Variants in SP1 observed in about 807,000 individuals in gnomAD.
The protein encoded by SP1 is transcription factor Sp1.
A neutral mutation model predicts 66.3 loss-of-function variants in SP1; 6 were observed. The observed-to-expected ratio is 0.09, with a 90% confidence interval of 0.05 to 0.18. SP1 has a LOEUF of 0.18. SP1 is among the 10% of genes least tolerant of loss of function. The pLI is 1.00. For missense variants in SP1, 848 were observed against 964.5 expected (o/e 0.88, Z 1.60); for synonymous variants, 417 against 360.8 (o/e 1.16, Z -1.77).
Position 53,412,321 on chromosome 12 carries a change from T to C in SP1, c.*1081T>C, listed in dbSNP as rs1938908794. ...TAGGGGGCTTTCACTAGGAAAATCA[T>C]GTGCTCAGAAGAGGAAATGACTCGT... On this transcript the variant is annotated 3_prime_UTR_variant, in exon 6 of 6. Transcript: ENST00000327443. The C allele has an allele frequency of 6.6e-6, 1 of 152,646 alleles. No individual in the cohort carries two copies. The allele number at this position is 152,646 out of a possible 1,614,324, so 9.5% of individuals were successfully genotyped here.
At chr12:53,383,990 G>A (rs898548520) in intron 3 of SP1, among the ~76,000 whole-genome samples, 2 of 145,300 alleles carry the variant, frequency 1.4e-5, no homozygotes, top group Admixed American at 7.0e-5. Flanking sequence ...TTTTTTTTGA[G>A]ACAGAGTCTT....
rs139153448 is a variant in SP1 at position 53,393,876 on chromosome 12, T to C, written c.1675+10254T>C. 2.1e-3 allele frequency among the ~76,000 whole-genome samples: 313 copies of C among 151,230 alleles called. 1 individual carries two copies. The highest frequency in any genetic ancestry group is 7.4e-3 in the African/African-American group (305 of 41,310). ...GTCTCCCAAAGTGCTGGGATTACAC[T>C]TGCAGGTGTGAGCCACTGTGCCCAG... On this transcript the variant is annotated intron_variant, in intron 3 of 5. Transcript: ENST00000327443.
chr12:53,412,881 GTA>G lies in SP1; in HGVS notation c.*1643_*1644del, dbSNP rs1245391274. The G allele has an allele frequency of 6.6e-6, 1 of 152,144 alleles. No individual in the cohort carries two copies. The highest frequency in any genetic ancestry group is 1.5e-5 in the Non-Finnish European group (1 of 67,980). 9.4% of individuals were successfully genotyped at this position (152,144 alleles called of 1,614,324 possible). On this transcript the variant is annotated 3_prime_UTR_variant, in exon 6 of 6. Coordinates refer to ENST00000327443, the MANE Select transcript of SP1 (RefSeq NM_138473.3). ...AAGCATTGTCTCTCTCGACCTTCTG[GTA>G]TCTTGTTAGAGAGCTTTTCACTGTG...
chr12:53,385,367 G>T (rs1419130615), intron 3 of SP1, among the ~76,000 whole-genome samples: 1 of 151,066 alleles, frequency 6.6e-6, no homozygotes, highest in Admixed American at 6.6e-5. Context: ...AGGCCGAGGC[G>T]GGTGGATCAC....
chr12:53,389,246 A>G (rs1224462639), intron 3 of SP1, among the ~76,000 whole-genome samples: 32 of 101,952 alleles, frequency 3.1e-4, no homozygotes, highest in Admixed American at 2.5e-4. Context: ...TGGGAGACGG[A>G]GTTTCATTCT....
intron 4 of SP1, among the ~76,000 whole-genome samples, chr12:53,407,033 C>G (rs1290271581): frequency 6.6e-6 from 1 of 151,836 alleles, no homozygotes; most frequent in Non-Finnish European, 1.5e-5. Flanking sequence ...ACTGTGTTAC[C>G]CAGGATGGTC....
intron 5 of SP1, 103 bp from the exon 6 acceptor site, chr12:53,410,824 T>C: frequency 3.6e-6 from 3 of 824,870 alleles, no homozygotes; most frequent in East Asian, 2.4e-5. Flanking sequence ...TTGATCACCT[T>C]CTCATACTGG....
chr12:53,400,053 G>A (rs189762912), intron 3 of SP1, among the ~76,000 whole-genome samples: 185 of 152,228 alleles, frequency 1.2e-3, no homozygotes, highest in Middle Eastern at 6.8e-3. Flanking sequence ...GTGAGCCACC[G>A]GTCCCGGCTT....
At chr12:53,408,225 G>A (rs1434979823) in intron 4 of SP1, among the ~76,000 whole-genome samples, 6 of 134,344 alleles carry the variant, frequency 4.5e-5, no homozygotes, top group African/African-American at 1.1e-4. Context: ...TAGCCTGGGC[G>A]ACAGAGTGAG....
intron 3 of SP1, among the ~76,000 whole-genome samples, chr12:53,388,606 C>T (rs1031101048): frequency 2.0e-5 from 3 of 152,150 alleles, no homozygotes; most frequent in Non-Finnish European, 2.9e-5. Flanking sequence ...ATTGATATGA[C>T]TTCATCCTTA....
In SP1 at chr12:53,415,282, G is replaced by A. The variant is rs1368595778; in HGVS notation, c.*4042G>A. ...AAGAGGATGAGCAGACCAGCTTTGA[G>A]GTTGACCTGTTTCTCTTTGTCTGCC... On this transcript the variant is annotated 3_prime_UTR_variant, in exon 6 of 6. Coordinates refer to ENST00000327443, the MANE Select transcript of SP1 (RefSeq NM_138473.3). 2 of 152,534 alleles carry A rather than the reference G, an allele frequency of 1.3e-5. No individual in the cohort carries two copies. The highest frequency in any genetic ancestry group is 2.1e-4 in the South Asian group (1 of 4,800). 9.4% of individuals were successfully genotyped at this position (152,534 alleles called of 1,614,324 possible). A position where few individuals can be genotyped will look rare whatever the true frequency, so the allele number is the denominator to read the frequency against.
At chr12:53,407,576 G>A (rs201586385) in intron 4 of SP1, among the ~76,000 whole-genome samples, 4 of 151,728 alleles carry the variant, frequency 2.6e-5, no homozygotes, top group East Asian at 2.0e-4. Context: ...TGCCCACCTC[G>A]GCCTCCCAAA....
chr12:53,413,030 A>T lies in SP1; in HGVS notation c.*1790A>T, dbSNP rs578083858. 5 of 152,600 alleles carry T rather than the reference A, an allele frequency of 3.3e-5. No homozygotes were observed. The highest frequency in any genetic ancestry group is 1.9e-4 in the East Asian group (1 of 5,180). The allele number at this position is 152,600 out of a possible 1,614,324, so 9.5% of individuals were successfully genotyped here. ...TATTAAAAGAGACCTGCAATAAAAA[A>T]ATTACCCTGATCTGATAGAAAGCAA... On this transcript the variant is annotated 3_prime_UTR_variant, in exon 6 of 6. Coordinates refer to ENST00000327443, the MANE Select transcript of SP1 (RefSeq NM_138473.3).
chr12:53,403,519 A>ATTT (rs34078240), intron 3 of SP1, among the ~76,000 whole-genome samples: 1 of 143,270 alleles, frequency 7.0e-6, no homozygotes, highest in Non-Finnish European at 1.5e-5. Flanking sequence ...TGCCCAGCTA[A>ATTT]TTTTTTTTTT....
intron 3 of SP1, among the ~76,000 whole-genome samples, chr12:53,396,945 G>T (rs1005021252): frequency 6.6e-6 from 1 of 151,878 alleles, no homozygotes; most frequent in African/African-American, 2.4e-5. Context: ...GTTTTCTTGA[G>T]AGTTGTTCTG....
rs572685604 is a variant in SP1 at position 53,407,032 on chromosome 12, C to T, written c.1844+279C>T. Among the ~76,000 whole-genome samples the T allele has an allele frequency of 2.0e-5, 3 of 151,782 alleles. No homozygotes were observed. The East Asian group carries it at 5.9e-4, about 30-fold the overall frequency. On this transcript the variant is annotated intron_variant, in intron 4 of 5. Coordinates refer to ENST00000327443, the MANE Select transcript of SP1 (RefSeq NM_138473.3). ...GTAGAGACAGGGTTTCACTGTGTTACCCAGGATGGTCTCGATCTCCTGACC... is the reference window on the plus strand; with the variant it reads ...GTAGAGACAGGGTTTCACTGTGTTATCCAGGATGGTCTCGATCTCCTGACC...
intron 3 of SP1, among the ~76,000 whole-genome samples, chr12:53,395,882 G>A (rs1364001401): frequency 6.6e-6 from 1 of 152,170 alleles, no homozygotes; most frequent in African/African-American, 2.4e-5. Context: ...AGCACTTTGG[G>A]AGGCTGAAGC....
chr12:53,383,445 A>G lies in SP1; in HGVS notation c.1498A>G (p.Thr500Ala), dbSNP rs763050771. ...VSLGQTSSSN[T>A]TLTPIASAAS... is the part of the protein sequence containing the mutation. Reference sequence around the variant, plus strand: ...CTTGGGGCAGACCAGCAGCAGCAACACCACTCTCACACCCATTGCCTCAGC... The same window carrying G: ...CTTGGGGCAGACCAGCAGCAGCAACGCCACTCTCACACCCATTGCCTCAGC... The change falls in exon 3 of 6, where the codon ACC becomes GCC. Residue 500 changes from threonine to alanine, a missense_variant. Thr to Ala is a moderately conservative substitution (Grantham distance 58, BLOSUM62 0). Coordinates refer to ENST00000327443, the MANE Select transcript of SP1 (RefSeq NM_138473.3). 9.3e-6 allele frequency: 15 copies of G among 1,614,150 alleles called. 1 individual carries two copies. Among genetic ancestry groups the G allele is most frequent in the Admixed American group, 1.7e-5 (1 of 60,016 alleles).
In SP1 at chr12:53,399,863, T is replaced by A. The variant is rs561433928; in HGVS notation, c.1676-6722T>A. 7.9e-4 allele frequency among the ~76,000 whole-genome samples: 107 copies of A among 135,850 alleles called. 1 individual carries two copies. Among genetic ancestry groups the A allele is most frequent in the African/African-American group, 2.8e-3 (102 of 36,420 alleles). 89.1% of individuals were successfully genotyped at this position (135,850 alleles called of 152,430 possible). On this transcript the variant is annotated intron_variant, in intron 3 of 5. Transcript: ENST00000327443. ...TCAGGGTGGTCTTGAACTCTCAACCTCAGGTCATCCGCCCGCCTCGGCCTC... is the reference window on the plus strand; with the variant it reads ...TCAGGGTGGTCTTGAACTCTCAACCACAGGTCATCCGCCCGCCTCGGCCTC...
Sources: gnomAD v4.1 joint callset for allele counts (sites outside exome capture counted in the v4.1 genomes callset) on GRCh38, gnomAD v4.1.1 for gene constraint, MANE v1.5 for transcripts, NCBI Gene and HGNC (gene_info 2026-07-23, HGNC 2026-07-21) for gene names.